The following CCNL2 variants were observed in gnomAD, a reference collection of about 807,000 sequenced individuals.
CCNL2 encodes the protein cyclin-L2.
CCNL2 carries 28 observed loss-of-function variants against 59.1 expected under a neutral mutation model. That is an observed-to-expected ratio of 0.47 (90% CI 0.35 to 0.65). The LOEUF is 0.65. CCNL2 is among the 30% of genes least tolerant of loss of function. The pLI, the probability that CCNL2 is intolerant of heterozygous loss-of-function variation, is 0.00. For missense variants in CCNL2, 714 were observed against 717.4 expected, an observed-to-expected ratio of 1.00 and a Z score of 0.05; for synonymous variants, 342 against 288.6, an observed-to-expected ratio of 1.19 and a Z score of -1.88.
Position 1,387,246 on chromosome 1 carries a change from G to T in CCNL2, c.1548C>A (p.Ser516Arg), listed in dbSNP as rs1460443737. 1.2e-5 allele frequency: 19 copies of T among 1,604,806 alleles called. No individual in the cohort carries two copies. Among genetic ancestry groups the T allele is most frequent in the Non-Finnish European group, 1.4e-5 (17 of 1,177,512 alleles). The change falls in exon 11 of 11, where the codon AGC becomes AGA. Residue 516 changes from serine (S) to arginine (R), a missense_variant. Around this residue, in one of 5 missense-constraint regions of CCNL2, gnomAD observed 403 missense variants for 377.7 expected, o/e 1.07. Coordinates refer to ENST00000400809, the MANE Select transcript of CCNL2 (RefSeq NM_030937.6). ...CAACCCCGCCTCACCTCCGATGCCT[G>T]CTGTGCCCAGGGTGGTCCCGCTCAT... ...RRYERDHPGH[S>R]RHRR is the part of the protein sequence containing the mutation.
intron 8 of CCNL2, chr1:1,388,770 C>CAAA: frequency 1.2e-5 from 2 of 162,686 alleles, no homozygotes; most frequent in Non-Finnish European, 2.2e-5. Context: ...GACTCCGTCT[C>CAAA]AGAAAAAAAA....
chr1:1,388,286 G>A, intron 8 of CCNL2: 1 of 544,474 alleles, frequency 1.8e-6, no homozygotes, highest in Non-Finnish European at 3.3e-6. Flanking sequence ...ACTTCGGGAG[G>A]CCGAGGAGGG....
At position 1,390,577 on chromosome 1, in the gene CCNL2, C is replaced by CA; in HGVS notation, c.760-15dup. ...GGGCAAAGGGATCTGTAAAAACAAA[C>CA]ACTATCATCATTACACTTTCCTCAA... On this transcript the variant is annotated splice_polypyrimidine_tract_variant and intron_variant, in intron 6 of 10. Transcript: ENST00000400809. The CA allele has an allele frequency of 6.3e-7, 1 of 1,595,724 alleles. No individual in the cohort carries two copies. The highest frequency in any genetic ancestry group is 8.6e-7 in the Non-Finnish European group (1 of 1,165,154).
chr1:1,396,568 G>A (rs1038738505), intron 3 of CCNL2, among the ~76,000 whole-genome samples: 32 of 133,386 alleles, frequency 2.4e-4, no homozygotes, highest in Middle Eastern at 4.3e-3. Flanking sequence ...GCTCGGCAAG[G>A]CTGTTTTTTT....
rs1353917655 is a variant in CCNL2 at position 1,396,585 on chromosome 1, T to G, written c.474-1071A>C. Reference sequence around the variant, plus strand: ...TCGGCAAGGCTGTTTTTTTTTTTTTTTTTTTTTTTTTTGAGACAGAGTTTC... The same window carrying G: ...TCGGCAAGGCTGTTTTTTTTTTTTTGTTTTTTTTTTTTGAGACAGAGTTTC... On this transcript the variant is annotated intron_variant, in intron 3 of 10. Coordinates refer to ENST00000400809, the MANE Select transcript of CCNL2 (RefSeq NM_030937.6). Among the ~76,000 whole-genome samples, 38 of 142,262 alleles carry G rather than the reference T, an allele frequency of 2.7e-4. 1 individual carries two copies. The East Asian group carries it at 7.3e-3, about 27-fold the overall frequency. 93.3% of individuals were successfully genotyped at this position (142,262 alleles called of 152,430 possible).
At chr1:1,397,763 G>T (rs1319780419) in intron 3 of CCNL2, among the ~76,000 whole-genome samples, 1 of 152,174 alleles carries the variant, frequency 6.6e-6, no homozygotes, top group African/African-American at 2.4e-5. Context: ...TACTCAGGAG[G>T]CTGAGGCAGG....
At chr1:1,398,440 T>C in intron 2 of CCNL2, 98 bp from the exon 3 acceptor site, 2 of 1,580,572 alleles carry the variant, frequency 1.3e-6, no homozygotes, top group Non-Finnish European at 8.6e-7. Flanking sequence ...AAAAGGGAGG[T>C]GCACCCAGGG....
At position 1,395,390 on chromosome 1, in the gene CCNL2, C is replaced by T; in HGVS notation, c.594+4G>A. The T allele has an allele frequency of 1.2e-6, 2 of 1,614,068 alleles. No individual in the cohort carries two copies. Among genetic ancestry groups the T allele is most frequent in the Non-Finnish European group, 1.7e-6 (2 of 1,179,980 alleles). On this transcript the variant is annotated splice_donor_region_variant and intron_variant, in intron 4 of 10. Transcript: ENST00000400809. ...GGCTCGCAGGGCAGGAGCCGCACACCCACCTTATGAGGATGCTTCACATGG... is the reference window on the plus strand; with the variant it reads ...GGCTCGCAGGGCAGGAGCCGCACACTCACCTTATGAGGATGCTTCACATGG...
chr1:1,395,673 C>G, intron 3 of CCNL2, 159 bp from the exon 4 acceptor site: 1 of 1,007,520 alleles, frequency 9.9e-7, no homozygotes, highest in Non-Finnish European at 1.5e-6. Context: ...CACACCGCTC[C>G]CCACAGCCCA....
In CCNL2 at chr1:1,387,760, CG is replaced by C. The variant is rs1644533736; in HGVS notation, c.1211+16del. The C allele has an allele frequency of 2.0e-6, 3 of 1,534,718 alleles. No individual in the cohort carries two copies. Among genetic ancestry groups the C allele is most frequent in the Non-Finnish European group, 2.7e-6 (3 of 1,125,256 alleles). On this transcript the variant is annotated intron_variant, in intron 10 of 10. Transcript: ENST00000400809. Reference sequence around the variant, plus strand: ...CACCCCGGTATCGGCCTCCTGGGTGCGCCCTGAGGCACACACCTCCTCTTAG... The same window carrying C: ...CACCCCGGTATCGGCCTCCTGGGTGCCCCTGAGGCACACACCTCCTCTTAG...
Position 1,386,895 on chromosome 1 carries a change from G to A in CCNL2, c.*336C>T, listed in dbSNP as rs1056376636. 16 of 275,784 alleles carry A rather than the reference G, an allele frequency of 5.8e-5. No homozygotes were observed. Among genetic ancestry groups the A allele is most frequent in the East Asian group, 5.7e-4 (9 of 15,822 alleles). 17.1% of individuals were successfully genotyped at this position (275,784 alleles called of 1,614,324 possible). On this transcript the variant is annotated 3_prime_UTR_variant, in exon 11 of 11. Transcript: ENST00000400809. ...AGTCGGGGAGTGGAGAGCGGCTGCC[G>A]ATAGCACCAGGCCATGCCAGGCCAC...
At position 1,387,782 on chromosome 1, in the gene CCNL2, C is replaced by T. The variant is rs781311172; in HGVS notation, c.1206G>A (p.Lys402=). ...GTGCGCCCTGAGGCACACACCTCCT[C>T]TTAGGAGACGCTGATCGGGATGGGG... ...SRSPSRSASP[K]RRKSDSGSTS... is the part of the protein sequence containing the mutation. Residue 402 remains lysine, a synonymous_variant, in exon 10 of 11, where the codon AAG becomes AAA. Coordinates refer to ENST00000400809, the MANE Select transcript of CCNL2 (RefSeq NM_030937.6). The T allele has an allele frequency of 1.9e-6, 3 of 1,611,590 alleles. No individual in the cohort carries two copies. Among genetic ancestry groups the T allele is most frequent in the Non-Finnish European group, 2.5e-6 (3 of 1,178,992 alleles).
chr1:1,392,843 G>A, intron 5 of CCNL2: 5 of 1,601,368 alleles, frequency 3.1e-6, no homozygotes, highest in Non-Finnish European at 4.3e-6. Flanking sequence ...GTCAAAATAG[G>A]TTCTCTATTA....
intron 3 of CCNL2, among the ~76,000 whole-genome samples, chr1:1,397,278 C>T (rs1645090480): frequency 6.6e-6 from 1 of 152,110 alleles, no homozygotes; most frequent in South Asian, 2.1e-4. Flanking sequence ...ATTCCAGGGC[C>T]ATGAAGCAAC....
At chr1:1,397,441 G>C (rs1645100916) in intron 3 of CCNL2, among the ~76,000 whole-genome samples, 1 of 152,146 alleles carries the variant, frequency 6.6e-6, no homozygotes, top group South Asian at 2.1e-4. Context: ...TGACAGGTGT[G>C]AGCTCCCACA....
chr1:1,398,774 T>TG, intron 1 of CCNL2, 103 bp from the exon 2 acceptor site: 1 of 1,275,002 alleles, frequency 7.8e-7, no homozygotes. Flanking sequence ...AACCAAACAC[T>TG]GAAACGCTTC....
chr1:1,395,370 G>T, intron 4 of CCNL2, 24 bp downstream of exon 4: 1 of 1,613,064 alleles, frequency 6.2e-7, no homozygotes, highest in South Asian at 1.1e-5. Flanking sequence ...AGGCGGGCTC[G>T]CAGGGCAGGA....
At position 1,395,460 on chromosome 1, in the gene CCNL2, A is replaced by G; in HGVS notation, c.528T>C (p.Ile176=). 2 of 1,614,146 alleles carry G rather than the reference A, an allele frequency of 1.2e-6. No individual in the cohort carries two copies. The highest frequency in any genetic ancestry group is 1.7e-6 in the Non-Finnish European group (2 of 1,180,020). Residue 176 remains isoleucine, a synonymous_variant, in exon 4 of 11, where the codon ATT becomes ATC. Transcript: ENST00000400809. ...TGAGAACTCGTCTTTCCGCCTTTAT[A>G]ATTTGGTTCTTTAAATTAACATAAT... ...DQDYVNLKNQ[I]IKAERRVLKE... is the part of the protein sequence containing the mutation.
Position 1,387,262 on chromosome 1 carries a change from T to C in CCNL2, c.1532A>G (p.Asp511Gly), listed in dbSNP as rs772751069. Reference sequence around the variant, plus strand: ...CCGATGCCTGCTGTGCCCAGGGTGGTCCCGCTCATAGCGACGGCCTGTGCG... The same window carrying C: ...CCGATGCCTGCTGTGCCCAGGGTGGCCCCGCTCATAGCGACGGCCTGTGCG... ...YERTGRRYERDHPGHSRHRR is the reference protein window; with the variant it reads ...YERTGRRYERGHPGHSRHRR The change falls in exon 11 of 11, where the codon GAC becomes GGC. Residue 511 changes from aspartate to glycine, a missense_variant. Asp to Gly is a moderately conservative substitution (Grantham distance 94, BLOSUM62 -1). This residue lies in a region of CCNL2 where 403 missense variants were observed against 377.7 expected (regional missense o/e 1.07). Coordinates refer to ENST00000400809, the MANE Select transcript of CCNL2 (RefSeq NM_030937.6). 3.1e-6 allele frequency: 5 copies of C among 1,610,150 alleles called. No individual in the cohort carries two copies. The South Asian group carries it at 5.5e-5, about 18-fold the overall frequency.
Sources: gnomAD v4.1 joint callset for allele counts (sites outside exome capture counted in the v4.1 genomes callset) on GRCh38, gnomAD v4.1.1 for gene constraint, gnomAD v4.1.1 regional missense constraint, MANE v1.5 for transcripts, NCBI Gene and HGNC (gene_info 2026-07-23, HGNC 2026-07-21) for gene names.